AKR1B1: variants seen among roughly 807,000 people sequenced by gnomAD.
AKR1B1 encodes aldo-keto reductase family 1 member B1.
Under a neutral mutation model 40.4 loss-of-function variants are expected in AKR1B1, and 22 were observed. The observed-to-expected ratio is 0.54, with a 90% confidence interval of 0.39 to 0.78. The LOEUF is 0.78. Ranked by LOEUF, AKR1B1 falls within the 30% of genes least tolerant of loss-of-function variation. AKR1B1 has a pLI of 0.00. For missense variants in AKR1B1, 357 were observed against 396.7 expected (o/e 0.90, Z 0.85); for synonymous variants, 157 against 149.9 (o/e 1.05, Z -0.35).
rs764636310 is a variant in AKR1B1 at position 134,449,138 on chromosome 7, G to C, written c.430-19C>G. The C allele has an allele frequency of 1.9e-6, 3 of 1,612,812 alleles. No individual in the cohort carries two copies. The highest frequency in any genetic ancestry group is 2.5e-6 in the Non-Finnish European group (3 of 1,180,020). On this transcript the variant is annotated intron_variant, in intron 4 of 9. Coordinates refer to ENST00000285930, the MANE Select transcript of AKR1B1 (RefSeq NM_001628.4). The stretch of plus-strand genomic sequence containing the variant: ...CCATGGCCTACAGAGAAAAGTGTCT[G>C]TGTGGTGCAGAAACGAACCCAGAAA...
chr7:134,444,952 T>C (rs2117446417), intron 9 of AKR1B1: 2 of 540,680 alleles, frequency 3.7e-6, no homozygotes, highest in Non-Finnish European at 6.7e-6. Flanking sequence ...TCAGATGAAC[T>C]GCTAGGATTT....
At chr7:134,459,211 T>G, upstream of AKR1B1, 1 of 946,730 alleles carries the variant, frequency 1.1e-6, no homozygotes. Context: ...GCGCTGGGGG[T>G]GCCGCGGCGG....
chr7:134,452,958 C>T (rs1019798888), intron 1 of AKR1B1, among the ~76,000 whole-genome samples: 10 of 152,130 alleles, frequency 6.6e-5, no homozygotes, highest in Non-Finnish European at 1.0e-4. Context: ...GAGGACCTGG[C>T]GACCTCTTAT....
At position 134,454,156 on chromosome 7, in the gene AKR1B1, C is replaced by T. The variant is rs1376673943; in HGVS notation, c.67-2403G>A. Among the ~76,000 whole-genome samples, 6 of 152,330 alleles carry T rather than the reference C, an allele frequency of 3.9e-5. No homozygotes were observed. The East Asian group carries it at 7.7e-4, about 20-fold the overall frequency. On this transcript the variant is annotated intron_variant, in intron 1 of 9. Coordinates refer to ENST00000285930, the MANE Select transcript of AKR1B1 (RefSeq NM_001628.4). The stretch of plus-strand genomic sequence containing the variant: ...ATACAAATCCTACATGTTTCTAACC[C>T]GATCCTGCCACTAATCTGTGTGCCC...
At chr7:134,444,882 A>C (rs918382222) in intron 9 of AKR1B1, 5 of 394,164 alleles carry the variant, frequency 1.3e-5, no homozygotes, top group African/African-American at 2.1e-5. Flanking sequence ...TCATTAAGAC[A>C]AAAAGTCACA....
At chr7:134,443,982 G>C (rs2551469) in intron 9 of AKR1B1, among the ~76,000 whole-genome samples, 2 of 152,280 alleles carry the variant, frequency 1.3e-5, no homozygotes, top group Admixed American at 6.5e-5. Flanking sequence ...GCACAATACT[G>C]GAGGGCAGAG....
chr7:134,455,910 C>G (rs954461481), intron 1 of AKR1B1, among the ~76,000 whole-genome samples: 4 of 152,190 alleles, frequency 2.6e-5, no homozygotes, highest in Non-Finnish European at 4.4e-5. Flanking sequence ...CAGAAAGAAA[C>G]CCTGTCCAAG....
intron 3 of AKR1B1, among the ~76,000 whole-genome samples, chr7:134,450,040 C>T (rs1244713245): frequency 6.6e-6 from 1 of 152,326 alleles, no homozygotes; most frequent in East Asian, 1.9e-4. Context: ...CCGCCACTGA[C>T]TGCAATGTGT....
At chr7:134,448,332 G>A in intron 6 of AKR1B1, 55 bp downstream of exon 6, 20 of 1,458,580 alleles carry the variant, frequency 1.4e-5, no homozygotes, top group Non-Finnish European at 1.7e-5. Flanking sequence ...GTTCTTTTTA[G>A]TCTTTTCTAA....
chr7:134,457,085 T>C (rs1189752319), intron 1 of AKR1B1, among the ~76,000 whole-genome samples: 1 of 151,316 alleles, frequency 6.6e-6, no homozygotes, highest in Non-Finnish European at 1.5e-5. Flanking sequence ...CTACAGTGAA[T>C]CATGATCATG....
At chr7:134,449,641 G>A in intron 4 of AKR1B1, 79 bp downstream of exon 4, 2 of 1,142,848 alleles carry the variant, frequency 1.8e-6, no homozygotes, top group Non-Finnish European at 2.7e-6. Context: ...AATGCAATGT[G>A]AGAAATGGCA....
Position 134,459,055 on chromosome 7 carries a change from C to T in AKR1B1, c.8G>A (p.Ser3Asn). The change falls in exon 1 of 10, where the codon AGC (serine) becomes AAC (asparagine). Residue 3 changes from serine (S) to asparagine (N), a missense_variant. By Grantham distance (46) the Ser-to-Asn change is conservative (BLOSUM62 1). Coordinates refer to ENST00000285930, the MANE Select transcript of AKR1B1 (RefSeq NM_001628.4). ...GGCGCCGTTGTTGAGCAGGAGACGG[C>T]TTGCCATGGCTGCTGCGCTCCCCAG... The part of the protein sequence containing the change: MA[S>N]RLLLNNGAKM... The T allele has an allele frequency of 6.2e-7, 1 of 1,604,450 alleles. No individual in the cohort carries two copies. Among genetic ancestry groups the T allele is most frequent in the Non-Finnish European group, 8.5e-7 (1 of 1,176,300 alleles).
chr7:134,451,146 GC>G (rs1318806597), intron 2 of AKR1B1: 1 of 596,450 alleles, frequency 1.7e-6, no homozygotes, highest in Admixed American at 2.7e-5. Context: ...TGGCTAGCCT[GC>G]CCTAGGCCTA....
chr7:134,458,415 G>C (rs1274687387), intron 1 of AKR1B1, among the ~76,000 whole-genome samples: 1 of 152,114 alleles, frequency 6.6e-6, no homozygotes, highest in Non-Finnish European at 1.5e-5. Flanking sequence ...TAACAGCTGG[G>C]TCCGGGCAAA....
At chr7:134,447,529 G>T (rs1470922587) in intron 7 of AKR1B1, 148 bp from the exon 8 acceptor site, 7 of 740,648 alleles carry the variant, frequency 9.5e-6, no homozygotes, top group East Asian at 8.0e-5. Context: ...GTCACAGCTA[G>T]CAACAGGTAG....
At chr7:134,451,793 T>C in intron 1 of AKR1B1, 40 bp from the exon 2 acceptor site, 3 of 1,606,280 alleles carry the variant, frequency 1.9e-6, no homozygotes, top group Non-Finnish European at 2.6e-6. Flanking sequence ...GAATGCAGAG[T>C]CTGCACAGCA....
At chr7:134,447,700 G>C (rs10954455) in intron 7 of AKR1B1, 268,452 of 610,750 alleles carry the variant, frequency 0.44, 65,088 homozygotes, top group East Asian at 0.81. Flanking sequence ...ACGGCTAAGA[G>C]CTCTTACATT....
rs148084524 is a variant in AKR1B1, at chr7:134,450,848, G to C, written c.289C>G (p.Leu97Val). 2.5e-6 allele frequency: 4 copies of C among 1,614,114 alleles called. No individual in the cohort carries two copies. Among genetic ancestry groups the C allele is most frequent in the African/African-American group, 1.3e-5 (1 of 74,950 alleles). The change falls in exon 3 of 10, where the codon CTC (leucine) becomes GTC (valine). Residue 97 changes from leucine (L) to valine (V), a missense_variant. Coordinates refer to ENST00000285930, the MANE Select transcript of AKR1B1 (RefSeq NM_001628.4). ...GLVKGACQKT[L>V]SDLKLDYLDL... ...AGGTAGTCCAGCTTCAGGTCGCTGAGTGTCTTCTGGCAGGCTCCTTTCACC... is the reference window on the plus strand; with the variant it reads ...AGGTAGTCCAGCTTCAGGTCGCTGACTGTCTTCTGGCAGGCTCCTTTCACC...
intron 1 of AKR1B1, among the ~76,000 whole-genome samples, 189 bp downstream of exon 1, chr7:134,458,808 G>A (rs1441804277): frequency 6.6e-6 from 1 of 152,112 alleles, no homozygotes; most frequent in Non-Finnish European, 1.5e-5. Flanking sequence ...CCAACCCGGG[G>A]AGCCAAGGCC....
Sources: gnomAD v4.1 joint callset for allele counts (sites outside exome capture counted in the v4.1 genomes callset) on GRCh38, gnomAD v4.1.1 for gene constraint, MANE v1.5 for transcripts, NCBI Gene and HGNC (gene_info 2026-07-23, HGNC 2026-07-21) for gene names.